LVRN: variants seen among roughly 807,000 people sequenced by gnomAD.
LVRN encodes aminopeptidase Q.
Under a neutral mutation model 111.4 loss-of-function variants are expected in LVRN, and 99 were observed. The ratio of observed to expected loss-of-function variants is 0.89; its 90% confidence interval spans 0.76 to 1.05. The LOEUF is 1.05. Among genes scored for constraint, LVRN ranks in the 50% least tolerant of loss-of-function variants. The pLI is 0.00. For missense variants in LVRN, 1,414 were observed against 1,206.8 expected (o/e 1.17, Z -2.54); for synonymous variants, 488 against 449.5 (o/e 1.09, Z -1.08).
intron 2 of LVRN, among the ~76,000 whole-genome samples, chr5:115,984,105 C>T (rs766098804): frequency 6.6e-6 from 1 of 152,102 alleles, no homozygotes; most frequent in South Asian, 2.1e-4. Flanking sequence ...AGTGCCTGGC[C>T]CTTGTAGGCA....
intron 5 of LVRN, among the ~76,000 whole-genome samples, chr5:115,993,436 G>T (rs1036387105): frequency 6.6e-6 from 1 of 152,088 alleles, no homozygotes; most frequent in Non-Finnish European, 1.5e-5. Flanking sequence ...AACAACTTTT[G>T]GGCCAAGTGG....
chr5:116,010,604 C>T (rs1157094192), intron 13 of LVRN, 137 bp from the exon 14 acceptor site: 1 of 886,128 alleles, frequency 1.1e-6, no homozygotes, highest in Non-Finnish European at 1.8e-6. Context: ...TAAGATGGGA[C>T]ATTTACCTTC....
chr5:115,992,182 T>A lies in LVRN; in HGVS notation c.1165T>A (p.Phe389Ile), dbSNP rs762817050. The A allele has an allele frequency of 6.2e-7, 1 of 1,613,822 alleles. No individual in the cohort carries two copies. Among genetic ancestry groups the A allele is most frequent in the Non-Finnish European group, 8.5e-7 (1 of 1,179,884 alleles). ...AATGGAAAACTGGGGACTAATGATA[T>A]TTGATGAATCAGGATTGTTGTTGGA... ...HAMENWGLMI[F>I]DESGLLLEPK... is the part of the protein sequence containing the mutation. Residue 389 changes from phenylalanine (F) to isoleucine (I), a missense_variant, in exon 5 of 20, where the codon TTT (phenylalanine) becomes ATT (isoleucine). Coordinates refer to ENST00000357872, the MANE Select transcript of LVRN (RefSeq NM_173800.5).
At chr5:116,000,230 A>C (rs1748210021) in intron 7 of LVRN, among the ~76,000 whole-genome samples, 1 of 152,230 alleles carries the variant, frequency 6.6e-6, no homozygotes, top group Non-Finnish European at 1.5e-5. Context: ...TACTCTTTAC[A>C]TGTAGGACAT....
At chr5:116,005,388 C>T (rs1271527347) in intron 12 of LVRN, among the ~76,000 whole-genome samples, 1 of 152,178 alleles carries the variant, frequency 6.6e-6, no homozygotes, top group Admixed American at 6.5e-5. Flanking sequence ...ATCACACTGG[C>T]AATTGGCCCC....
At chr5:115,976,846 G>A (rs1001919536) in intron 1 of LVRN, among the ~76,000 whole-genome samples, 2 of 152,122 alleles carry the variant, frequency 1.3e-5, no homozygotes, top group African/African-American at 4.8e-5. Context: ...AGTAACTGAA[G>A]TTACTTGGTG....
chr5:115,998,334 G>A (rs928360543), intron 6 of LVRN, among the ~76,000 whole-genome samples: 3 of 151,968 alleles, frequency 2.0e-5, no homozygotes, highest in Non-Finnish European at 4.4e-5. Flanking sequence ...TCTTTATAAT[G>A]CAGCAGCCAT....
intron 1 of LVRN, among the ~76,000 whole-genome samples, chr5:115,966,564 C>T (rs900891395): frequency 6.6e-6 from 1 of 152,164 alleles, no homozygotes; most frequent in Non-Finnish European, 1.5e-5. Context: ...CCCAGGCTAG[C>T]CTCATACTTC....
intron 1 of LVRN, among the ~76,000 whole-genome samples, chr5:115,966,062 A>G (rs1255470844): frequency 6.6e-6 from 1 of 152,250 alleles, no homozygotes; most frequent in Admixed American, 6.5e-5. Context: ...TAATTATAGT[A>G]CAATATCAAA....
intron 13 of LVRN, among the ~76,000 whole-genome samples, chr5:116,008,123 C>T (rs998533747): frequency 3.3e-5 from 5 of 152,112 alleles, no homozygotes; most frequent in African/African-American, 4.8e-5. Context: ...GGGTGGATCA[C>T]GAGATCAGGA....
Position 116,015,637 on chromosome 5 carries a change from G to A in LVRN, c.2628G>A (p.Glu876=). The A allele has an allele frequency of 1.2e-6, 2 of 1,610,858 alleles. No individual in the cohort carries two copies. Among genetic ancestry groups the A allele is most frequent in the Non-Finnish European group, 1.7e-6 (2 of 1,178,742 alleles). Residue 876 remains glutamate (E), a synonymous_variant, in exon 18 of 20, where the codon GAG becomes GAA. Transcript: ENST00000357872. ...KDPWILNRYM[E]YAISTSPFTS... Reference sequence around the variant, plus strand: ...AAATGCACTTTTGCAGATATATGGAGTATGCCATCAGCACATCTCCATTCA... The same window carrying A: ...AAATGCACTTTTGCAGATATATGGAATATGCCATCAGCACATCTCCATTCA...
At chr5:116,000,161 G>C (rs1748208344) in intron 7 of LVRN, among the ~76,000 whole-genome samples, 1 of 152,086 alleles carries the variant, frequency 6.6e-6, no homozygotes, top group Non-Finnish European at 1.5e-5. Context: ...CCTTTTGCTT[G>C]GTGGAAATTT....
At chr5:116,001,011 C>T (rs1477189436) in intron 9 of LVRN, 56 bp from the exon 10 acceptor site, 1 of 1,531,272 alleles carries the variant, frequency 6.5e-7, no homozygotes. Flanking sequence ...GAGATTGCTA[C>T]TTCAAAATGT....
At chr5:116,004,043 T>C (rs949339553) in intron 12 of LVRN, among the ~76,000 whole-genome samples, 3 of 152,218 alleles carry the variant, frequency 2.0e-5, no homozygotes, top group Admixed American at 6.5e-5. Context: ...TATTATTATA[T>C]TTTATTCATC....
At chr5:116,008,506 G>A (rs181118807) in intron 13 of LVRN, among the ~76,000 whole-genome samples, 7 of 151,974 alleles carry the variant, frequency 4.6e-5, no homozygotes, top group East Asian at 1.9e-4. Flanking sequence ...GAGATAGGCC[G>A]AAACTAGGAC....
In LVRN at chr5:115,982,905, T is replaced by C. The variant is rs190746378; in HGVS notation, c.696-382T>C. On this transcript the variant is annotated intron_variant, in intron 1 of 19. Coordinates refer to ENST00000357872, the MANE Select transcript of LVRN (RefSeq NM_173800.5). ...ATTCTTCCCCTGACTTTTACTTTAG[T>C]GGAAGATGAAAGCAATGGACCATTC... 1.0e-3 allele frequency among the ~76,000 whole-genome samples: 153 copies of C among 152,290 alleles called. 2 individuals are homozygous for C. Among genetic ancestry groups the C allele is most frequent in the Middle Eastern group, 3.4e-3 (1 of 294 alleles).
chr5:115,968,615 A>C (rs990455333), intron 1 of LVRN, among the ~76,000 whole-genome samples: 1 of 152,026 alleles, frequency 6.6e-6, no homozygotes, highest in African/African-American at 2.4e-5. Flanking sequence ...TTTTGATAAG[A>C]GCCCTTGCTG....
chr5:115,986,248 G>A (rs1747862321), intron 3 of LVRN, among the ~76,000 whole-genome samples: 1 of 152,130 alleles, frequency 6.6e-6, no homozygotes, highest in African/African-American at 2.4e-5. Context: ...AACGTGCATG[G>A]CTTATATTTT....
intron 13 of LVRN, among the ~76,000 whole-genome samples, chr5:116,010,274 A>G (rs971743381): frequency 6.6e-6 from 1 of 152,232 alleles, no homozygotes; most frequent in Non-Finnish European, 1.5e-5. Flanking sequence ...AATCAAAAAA[A>G]TTGTATGACT....
Sources: gnomAD v4.1 joint callset for allele counts (sites outside exome capture counted in the v4.1 genomes callset) on GRCh38, gnomAD v4.1.1 for gene constraint, MANE v1.5 for transcripts, NCBI Gene and HGNC (gene_info 2026-07-23, HGNC 2026-07-21) for gene names.